CCDC124: variants seen among roughly 807,000 people sequenced by gnomAD.
CCDC124 encodes coiled-coil domain-containing protein 124.
CCDC124 carries 9 observed loss-of-function variants against 19.8 expected under a neutral mutation model. The observed-to-expected ratio is 0.45, with a 90% CI of 0.27 to 0.79. CCDC124 has a LOEUF of 0.79. CCDC124 is among the 30% of genes least tolerant of loss of function. The probability of loss-of-function intolerance (pLI) is 0.14; values close to 1 mark genes in which losing one functional copy is unlikely to be tolerated. For missense variants in CCDC124, 285 were observed against 319.0 expected (o/e 0.89, Z 0.81); for synonymous variants, 126 against 131.3 (o/e 0.96, Z 0.27).
chr19:17,943,241 T>TCGGGGGGGGGGGCC lies in CCDC124; in HGVS notation c.350-19_350-18insGGGGGGGGGGGCCC. ...CTTTGCTTATCTCTCTCTGTCTCTG[T>TCGGGGGGGGGGGCC]CACCCACCCACCCGCCCAGCCGAGA... On this transcript the variant is annotated intron_variant, in intron 3 of 4. Transcript: ENST00000445755. 2.7e-6 allele frequency: 2 copies of TCGGGGGGGGGGGCC among 736,678 alleles called. No homozygotes were observed. Among genetic ancestry groups the TCGGGGGGGGGGGCC allele is most frequent in the Non-Finnish European group, 4.8e-6 (2 of 414,970 alleles). The allele number at this position is 736,678 out of a possible 1,614,324, so 45.6% of individuals were successfully genotyped here.
chr19:17,941,205 T>C (rs1326712774), intron 2 of CCDC124, among the ~76,000 whole-genome samples: 5 of 151,790 alleles, frequency 3.3e-5, no homozygotes, highest in Admixed American at 3.3e-4. Flanking sequence ...GTGATACCTC[T>C]CCTCACTTCA....
intron 1 of CCDC124, among the ~76,000 whole-genome samples, chr19:17,935,768 A>G (rs1253189324): frequency 1.3e-5 from 2 of 151,984 alleles, no homozygotes; most frequent in African/African-American, 4.8e-5. Flanking sequence ...TTTTTAGTTG[A>G]CACGGGGTTT....
intron 2 of CCDC124, 32 bp downstream of exon 2, chr19:17,936,611 T>G: frequency 6.3e-7 from 1 of 1,595,054 alleles, no homozygotes; most frequent in Non-Finnish European, 8.5e-7. Context: ...GCGGCCCGCA[T>G]GCCTTGTGGC....
chr19:17,943,241 T>TCGGGGGGGCCCCCCCC lies in CCDC124; in HGVS notation c.350-19_350-18insGGGGGGGCCCCCCCCC. ...CTTTGCTTATCTCTCTCTGTCTCTG[T>TCGGGGGGGCCCCCCCC]CACCCACCCACCCGCCCAGCCGAGA... On this transcript the variant is annotated intron_variant, in intron 3 of 4. Transcript: ENST00000445755. 6 of 736,678 alleles carry TCGGGGGGGCCCCCCCC rather than the reference T, an allele frequency of 8.1e-6. No homozygotes were observed. The highest frequency in any genetic ancestry group is 1.2e-5 in the Non-Finnish European group (5 of 414,970). The allele number at this position is 736,678 out of a possible 1,614,324, so 45.6% of individuals were successfully genotyped here.
intron 2 of CCDC124, among the ~76,000 whole-genome samples, chr19:17,941,510 A>T: frequency 6.6e-6 from 1 of 150,424 alleles, no homozygotes; most frequent in South Asian, 2.1e-4. Flanking sequence ...AGACTGTCTC[A>T]GAAAAAAAAA....
At chr19:17,936,185 G>A (rs2031058345) in intron 1 of CCDC124, 1 of 445,998 alleles carries the variant, frequency 2.2e-6, no homozygotes. Context: ...GATTACGGGT[G>A]TGAGCCACCA....
chr19:17,935,779 C>A (rs2031047395), intron 1 of CCDC124, among the ~76,000 whole-genome samples: 1 of 152,154 alleles, frequency 6.6e-6, no homozygotes, highest in African/African-American at 2.4e-5. Context: ...CACGGGGTTT[C>A]ACCATGTTGA....
chr19:17,933,599 G>C (rs1054258982), intron 1 of CCDC124, among the ~76,000 whole-genome samples: 6 of 152,058 alleles, frequency 3.9e-5, no homozygotes, highest in Non-Finnish European at 7.4e-5. Context: ...CCCATAGATT[G>C]GGCTTCCCGG....
Position 17,942,601 on chromosome 19 carries a change from T to C in CCDC124, c.160-55T>C, listed in dbSNP as rs1599969655. 1.3e-6 allele frequency: 2 copies of C among 1,531,392 alleles called. No individual in the cohort carries two copies. Among genetic ancestry groups the C allele is most frequent in the Non-Finnish European group, 1.8e-6 (2 of 1,134,306 alleles). The allele number at this position is 1,531,392 out of a possible 1,614,324, so 94.9% of individuals were successfully genotyped here. On this transcript the variant is annotated intron_variant, in intron 2 of 4. Coordinates refer to ENST00000445755, the MANE Select transcript of CCDC124 (RefSeq NM_001136203.2). This position sits in a 1 kb window ranked among gnomAD's most constrained non-coding sequence, Gnocchi z 4.2. Reference sequence around the variant, plus strand: ...GATGAAAACTCGAACCCCAGGCTAGTGGGTGGCGCGGGGGTGTGGGGTCTT... The same window carrying C: ...GATGAAAACTCGAACCCCAGGCTAGCGGGTGGCGCGGGGGTGTGGGGTCTT...
Position 17,943,241 on chromosome 19 carries a change from T to TCGGGGGGGGGCCCCCCCCC in CCDC124, c.350-19_350-18insGGGGGGGGGCCCCCCCCCC. On this transcript the variant is annotated intron_variant, in intron 3 of 4. Coordinates refer to ENST00000445755, the MANE Select transcript of CCDC124 (RefSeq NM_001136203.2). ...CTTTGCTTATCTCTCTCTGTCTCTG[T>TCGGGGGGGGGCCCCCCCCC]CACCCACCCACCCGCCCAGCCGAGA... 1 of 736,678 alleles carries TCGGGGGGGGGCCCCCCCCC rather than the reference T, an allele frequency of 1.4e-6. No homozygotes were observed. The highest frequency in any genetic ancestry group is 2.4e-6 in the Non-Finnish European group (1 of 414,970). 45.6% of individuals were successfully genotyped at this position (736,678 alleles called of 1,614,324 possible). A position where few individuals can be genotyped will look rare whatever the true frequency, so the allele number is the denominator to read the frequency against.
intron 2 of CCDC124, 84 bp downstream of exon 2, chr19:17,936,663 A>C: frequency 6.7e-7 from 1 of 1,485,242 alleles, no homozygotes; most frequent in Admixed American, 2.1e-5. Context: ...GAATAGCGAG[A>C]GGGCCCTCTG....
At chr19:17,933,478 T>A (rs542969907) in intron 1 of CCDC124, among the ~76,000 whole-genome samples, 42 of 152,250 alleles carry the variant, frequency 2.8e-4, no homozygotes, top group African/African-American at 9.6e-4. Context: ...TTGATTCGCT[T>A]CTAAGTGTGC....
intron 1 of CCDC124, 36 bp from the exon 2 acceptor site, chr19:17,936,374 G>A (rs535400103): frequency 8.1e-5 from 126 of 1,553,548 alleles, no homozygotes; most frequent in Middle Eastern, 3.8e-4. Context: ...TGTCCCCTCC[G>A]GCCCCTGCTC....
chr19:17,939,351 C>A (rs1452406183), intron 2 of CCDC124, among the ~76,000 whole-genome samples: 1 of 151,810 alleles, frequency 6.6e-6, no homozygotes, highest in Non-Finnish European at 1.5e-5. Flanking sequence ...GCCGGGATCG[C>A]GCCACTGCAC....
chr19:17,936,666 G>A, intron 2 of CCDC124, 87 bp downstream of exon 2: 1 of 1,470,848 alleles, frequency 6.8e-7, no homozygotes, highest in Non-Finnish European at 9.2e-7. Context: ...TAGCGAGAGG[G>A]CCCTCTGAGC....
intron 1 of CCDC124, among the ~76,000 whole-genome samples, chr19:17,935,940 TGTCG>T (rs2031051633): frequency 6.6e-6 from 1 of 151,790 alleles, no homozygotes; most frequent in Non-Finnish European, 1.5e-5. Context: ...AGTCTCACTC[TGTCG>T]CCCAGGCTGG....
In CCDC124 at chr19:17,943,280, T is replaced by C; in HGVS notation, c.369T>C (p.His123=). 1 of 1,177,594 alleles carries C rather than the reference T, an allele frequency of 8.5e-7. No homozygotes were observed. The highest frequency in any genetic ancestry group is 1.3e-5 in the South Asian group (1 of 79,790). The allele number at this position is 1,177,594 out of a possible 1,614,324, so 72.9% of individuals were successfully genotyped here. ...GCCCAGCCGAGAAAGCCAAGAGCCATCTGGAGGTGCCGCTGGAGGAGAACG... is the reference window on the plus strand; with the variant it reads ...GCCCAGCCGAGAAAGCCAAGAGCCACCTGGAGGTGCCGCTGGAGGAGAACG... The part of the protein sequence containing the change: ...APDTAEKAKS[H]LEVPLEENVN... The change falls in exon 4 of 5, where the codon CAT becomes CAC. Residue 123 remains histidine (H), a synonymous_variant. Transcript: ENST00000445755.
chr19:17,943,127 G>C, intron 3 of CCDC124, 134 bp from the exon 4 acceptor site: 1 of 807,606 alleles, frequency 1.2e-6, no homozygotes, highest in Non-Finnish European at 2.0e-6. Context: ...AGCTGAAGTC[G>C]CGATTCCATC....
chr19:17,938,969 C>G (rs1319000639), intron 2 of CCDC124, among the ~76,000 whole-genome samples: 1 of 152,154 alleles, frequency 6.6e-6, no homozygotes, highest in Non-Finnish European at 1.5e-5. Context: ...TGGCTTTCTT[C>G]CAGCCCCACC....
Sources: gnomAD v4.1 joint callset for allele counts (sites outside exome capture counted in the v4.1 genomes callset) on GRCh38, gnomAD v4.1.1 for gene constraint, Gnocchi (gnomAD v3.1) non-coding constraint, MANE v1.5 for transcripts, NCBI Gene and HGNC (gene_info 2026-07-23, HGNC 2026-07-21) for gene names.